Variants in BEND4 observed in about 807,000 individuals in gnomAD.
BEND4 encodes BEN domain-containing protein 4.
Under a neutral mutation model 54.7 loss-of-function variants are expected in BEND4, and 27 were observed. The observed-to-expected ratio is 0.49, with a 90% confidence interval of 0.36 to 0.68. The LOEUF is 0.68. Ranked by LOEUF, BEND4 falls within the 30% of genes least tolerant of loss-of-function variation. The probability of loss-of-function intolerance (pLI) is 0.00; values close to 1 mark genes in which losing one functional copy is unlikely to be tolerated. For missense variants in BEND4, 702 were observed against 697.2 expected (o/e 1.01, Z -0.08); for synonymous variants, 327 against 299.5 (o/e 1.09, Z -0.95).
intron 3 of BEND4, among the ~76,000 whole-genome samples, chr4:42,127,409 T>C (rs116180659): frequency 0.034 from 5,131 of 152,326 alleles, 154 homozygotes; most frequent in African/African-American, 0.083. Context: ...GGCCTGTTAT[T>C]AAACCAAAGT....
In BEND4 at chr4:42,143,987, T is replaced by G; in HGVS notation, c.495A>C (p.Arg165=). The G allele has an allele frequency of 1.9e-6, 3 of 1,573,220 alleles. No homozygotes were observed. Among genetic ancestry groups the G allele is most frequent in the Non-Finnish European group, 2.6e-6 (3 of 1,163,104 alleles). ...GCTGGGCAAAGGCATCCAAGATCAT[T>G]CGACTCTCTGAAACAAATGAAAGGA... ...SASLELSAES[R]MILDAFAQQC... is the part of the protein sequence containing the mutation. The change falls in exon 3 of 6, where the codon CGA becomes CGC. Residue 165 remains arginine, a synonymous_variant. Transcript: ENST00000502486.
chr4:42,152,493 G>A, intron 1 of BEND4, 39 bp downstream of exon 1: 1 of 158,070 alleles, frequency 6.3e-6, no homozygotes, highest in Non-Finnish European at 1.4e-5. Context: ...GCGGCTCCGC[G>A]CCTCCGACGG....
intron 3 of BEND4, among the ~76,000 whole-genome samples, chr4:42,141,413 A>C (rs1720875491): frequency 6.6e-6 from 1 of 152,230 alleles, no homozygotes; most frequent in African/African-American, 2.4e-5. Flanking sequence ...TGAGTGATAC[A>C]AAGATACTGT....
At position 42,117,425 on chromosome 4, in the gene BEND4, T is replaced by C. The variant is rs749775468; in HGVS notation, c.*93A>G. 235 of 855,612 alleles carry C rather than the reference T, an allele frequency of 2.7e-4. No homozygotes were observed. Among genetic ancestry groups the C allele is most frequent in the Non-Finnish European group, 4.0e-4 (216 of 544,784 alleles). The allele number at this position is 855,612 out of a possible 1,614,324, so 53.0% of individuals were successfully genotyped here. A position where few individuals can be genotyped will look rare whatever the true frequency, so the allele number is the denominator to read the frequency against. The stretch of plus-strand genomic sequence containing the variant: ...TGAGAATGTGTAGACTATGGCAGAA[T>C]GACAGGCTTTGGACTCTCAGGTGAC... On this transcript the variant is annotated 3_prime_UTR_variant, in exon 6 of 6. Coordinates refer to ENST00000502486, the MANE Select transcript of BEND4 (RefSeq NM_207406.4).
intron 4 of BEND4, among the ~76,000 whole-genome samples, 179 bp from the exon 5 acceptor site, chr4:42,120,473 T>C (rs1005466643): frequency 1.3e-5 from 2 of 152,198 alleles, no homozygotes; most frequent in Non-Finnish European, 1.5e-5. Context: ...CAAATTACAT[T>C]TGCATTTTCT....
chr4:42,130,206 C>T lies in BEND4; in HGVS notation c.1055-4532G>A, dbSNP rs191735903. ...AAATCAAAACCACAATGAGGCTGGG[C>T]GCAGTGGTTCACGCCTGTAATCCCA... On this transcript the variant is annotated intron_variant, in intron 3 of 5. Coordinates refer to ENST00000502486, the MANE Select transcript of BEND4 (RefSeq NM_207406.4). Among the ~76,000 whole-genome samples the T allele has an allele frequency of 1.5e-3, 229 of 152,156 alleles. 1 individual carries two copies. Among genetic ancestry groups the T allele is most frequent in the African/African-American group, 5.3e-3 (220 of 41,528 alleles).
At position 42,126,452 on chromosome 4, in the gene BEND4, T is replaced by C. The variant is rs138678691; in HGVS notation, c.1055-778A>G. Among the ~76,000 whole-genome samples the C allele has an allele frequency of 1.2e-3, 185 of 152,374 alleles. 2 individuals are homozygous for C. The highest frequency in any genetic ancestry group is 8.5e-3 in the South Asian group (41 of 4,834). On this transcript the variant is annotated intron_variant, in intron 3 of 5. Transcript: ENST00000502486. ...CCATACAATTAGACTTGCTTCTCAA[T>C]GCATACACACTTGGCCACACAGTTC... is the stretch of plus-strand genomic sequence containing the variant.
intron 2 of BEND4, among the ~76,000 whole-genome samples, chr4:42,144,432 A>T (rs908575628): frequency 6.6e-6 from 1 of 152,230 alleles, no homozygotes; most frequent in Non-Finnish European, 1.5e-5. Flanking sequence ...CCTTGCTATT[A>T]ATCAGCTGAT....
intron 2 of BEND4, chr4:42,151,389 G>A: frequency 3.5e-6 from 1 of 282,708 alleles, no homozygotes; most frequent in Non-Finnish European, 6.6e-6. Flanking sequence ...GAGCGATCCT[G>A]GTCGCCGACT....
chr4:42,145,741 T>A (rs1721056576), intron 2 of BEND4, among the ~76,000 whole-genome samples: 1 of 151,720 alleles, frequency 6.6e-6, no homozygotes, highest in Non-Finnish European at 1.5e-5. Flanking sequence ...GCACAGTGTT[T>A]GGCACATAGG....
At chr4:42,132,810 T>A (rs1720556922) in intron 3 of BEND4, among the ~76,000 whole-genome samples, 1 of 152,100 alleles carries the variant, frequency 6.6e-6, no homozygotes, top group African/African-American at 2.4e-5. Context: ...ATTGGGCATG[T>A]TTTACTCATT....
At chr4:42,118,878 G>A (rs1486018139) in intron 5 of BEND4, among the ~76,000 whole-genome samples, 4 of 152,220 alleles carry the variant, frequency 2.6e-5, no homozygotes, top group Admixed American at 6.5e-5. Context: ...GTCACTCTGA[G>A]TAAGTGGAAT....
chr4:42,133,820 C>A (rs1039079503), intron 3 of BEND4, among the ~76,000 whole-genome samples: 1 of 152,210 alleles, frequency 6.6e-6, no homozygotes, highest in Non-Finnish European at 1.5e-5. Flanking sequence ...TGCCACTGCA[C>A]TCCAGCCTGG....
At position 42,117,256 on chromosome 4, in the gene BEND4, C is replaced by T. The variant is rs1398169930; in HGVS notation, c.*262G>A. On this transcript the variant is annotated 3_prime_UTR_variant, in exon 6 of 6. Transcript: ENST00000502486. The stretch of plus-strand genomic sequence containing the variant: ...GTAACTAGGAGCTCACCTATTTTTT[C>T]ACCCTCATGATCTAGCTAGTAATCA... The T allele has an allele frequency of 3.2e-6, 1 of 314,264 alleles. No individual in the cohort carries two copies. The highest frequency in any genetic ancestry group is 6.4e-5 in the East Asian group (1 of 15,542). The allele number at this position is 314,264 out of a possible 1,614,324, so 19.5% of individuals were successfully genotyped here.
intron 2 of BEND4, among the ~76,000 whole-genome samples, chr4:42,149,419 A>G (rs1242998347): frequency 1.3e-5 from 2 of 152,172 alleles, no homozygotes; most frequent in Non-Finnish European, 2.9e-5. Flanking sequence ...TCTTCCCCCC[A>G]GACTATTTCC....
rs1279649962 is a variant in BEND4 at position 42,111,203 on chromosome 4, T to C, written c.*6315A>G. The C allele has an allele frequency of 6.6e-6, 1 of 152,258 alleles. No individual in the cohort carries two copies. Among genetic ancestry groups the C allele is most frequent in the Non-Finnish European group, 1.5e-5 (1 of 68,046 alleles). The allele number at this position is 152,258 out of a possible 1,614,324, so 9.4% of individuals were successfully genotyped here. On this transcript the variant is annotated 3_prime_UTR_variant, in exon 6 of 6. Transcript: ENST00000502486. ...TTCACAAAAAAATCTTGCTATTCTA[T>C]ATTACACTATGCATTTGTAGCTTTA...
rs761359639 is a variant in BEND4, at chr4:42,126,376, ATAAG to A, written c.1055-706_1055-703del. ...GTTTTGCTAATTATTAATCAATAAT[ATAAG>A]TGTTTCTAATGATGGATTCATTCCT... On this transcript the variant is annotated intron_variant, in intron 3 of 5. Coordinates refer to ENST00000502486, the MANE Select transcript of BEND4 (RefSeq NM_207406.4). Among the ~76,000 whole-genome samples the A allele has an allele frequency of 2.3e-3, 355 of 152,354 alleles. 2 individuals are homozygous for A. The highest frequency in any genetic ancestry group is 2.9e-3 in the Non-Finnish European group (196 of 68,034).
chr4:42,114,742 T>C lies in BEND4; in HGVS notation c.*2776A>G, dbSNP rs1260056934. The stretch of plus-strand genomic sequence containing the variant: ...AGAGGCCCAATGGGCCTTGCCAAAA[T>C]ACAAATGAACATCCTTTGTTGGTCC... On this transcript the variant is annotated 3_prime_UTR_variant, in exon 6 of 6. Transcript: ENST00000502486. The C allele has an allele frequency of 6.6e-6, 1 of 152,204 alleles. No individual in the cohort carries two copies. The highest frequency in any genetic ancestry group is 1.5e-5 in the Non-Finnish European group (1 of 68,054). The allele number at this position is 152,204 out of a possible 1,614,324, so 9.4% of individuals were successfully genotyped here.
rs143319302 is a variant in BEND4, at chr4:42,150,140, A to T, written c.487+1517T>A. ...AGAAATAAACACATGCCTGAACAAG[A>T]AGTAGTTTAGGAGAAAATAAGATCT... is the stretch of plus-strand genomic sequence containing the variant. On this transcript the variant is annotated intron_variant, in intron 2 of 5. Transcript: ENST00000502486. Among the ~76,000 whole-genome samples the T allele has an allele frequency of 3.2e-3, 481 of 152,322 alleles. 1 individual carries two copies. Among genetic ancestry groups the T allele is most frequent in the Middle Eastern group, 0.01 (3 of 294 alleles).
Sources: gnomAD v4.1 joint callset for allele counts (sites outside exome capture counted in the v4.1 genomes callset) on GRCh38, gnomAD v4.1.1 for gene constraint, MANE v1.5 for transcripts, NCBI Gene and HGNC (gene_info 2026-07-23, HGNC 2026-07-21) for gene names.